Variants in CHCHD6 observed in about 807,000 individuals in gnomAD.
CHCHD6 encodes MICOS complex subunit MIC25.
In CHCHD6, 28 loss-of-function variants were observed where a neutral mutation model predicts 32.3. The ratio of observed to expected loss-of-function variants is 0.87; its 90% CI spans 0.64 to 1.19. The LOEUF is 1.19. Among genes scored for constraint, CHCHD6 ranks in the 50% most tolerant of loss-of-function variants. The probability of loss-of-function intolerance (pLI) is 0.00; values close to 1 mark genes in which losing one functional copy is unlikely to be tolerated. For missense variants in CHCHD6, 333 were observed against 307.0 expected, an observed-to-expected ratio of 1.08 and a Z score of -0.63; for synonymous variants, 122 against 117.5, an observed-to-expected ratio of 1.04 and a Z score of -0.25.
intron 5 of CHCHD6, among the ~76,000 whole-genome samples, chr3:126,882,149 G>A (rs78480338): frequency 0.05 from 7,548 of 152,240 alleles, 312 homozygotes; most frequent in Admixed American, 0.12. Flanking sequence ...CTGCCGTCAG[G>A]GGCGTCTGCC....
At chr3:126,761,923 C>T (rs527888133) in intron 4 of CHCHD6, among the ~76,000 whole-genome samples, 1 of 152,218 alleles carries the variant, frequency 6.6e-6, no homozygotes, top group South Asian at 2.1e-4. Context: ...CCAGGTTATC[C>T]AATTTGTTGG....
intron 4 of CHCHD6, among the ~76,000 whole-genome samples, chr3:126,824,576 A>AAAAAAAAAAAAAAAAAAAAAAAAAAC: frequency 6.7e-6 from 1 of 149,328 alleles, no homozygotes; most frequent in African/African-American, 2.5e-5. Context: ...AAAAAAAAAA[A>AAAAAAAAAAAAAAAAAAAAAAAAAAC]AAAAAGTCAA....
intron 4 of CHCHD6, among the ~76,000 whole-genome samples, chr3:126,832,838 C>T (rs1265090272): frequency 2.0e-5 from 3 of 152,158 alleles, no homozygotes; most frequent in Admixed American, 2.0e-4. Flanking sequence ...CACCACACCC[C>T]TTTTCAGAAG....
At chr3:126,761,095 G>A (rs1029761655) in intron 4 of CHCHD6, among the ~76,000 whole-genome samples, 4 of 152,206 alleles carry the variant, frequency 2.6e-5, no homozygotes, top group South Asian at 2.1e-4. Context: ...CTCCCAAAGC[G>A]TTAGGATTAT....
intron 4 of CHCHD6, among the ~76,000 whole-genome samples, chr3:126,812,412 G>A (rs1939696357): frequency 6.7e-6 from 1 of 148,866 alleles, no homozygotes; most frequent in African/African-American, 2.5e-5. Context: ...GATGTTTTCT[G>A]GTTTATGCCT....
chr3:126,781,547 A>G (rs1298778900), intron 4 of CHCHD6, among the ~76,000 whole-genome samples: 1 of 152,176 alleles, frequency 6.6e-6, no homozygotes, highest in Non-Finnish European at 1.5e-5. Context: ...TGCCTTGTGT[A>G]TGGTTTTGGA....
intron 5 of CHCHD6, among the ~76,000 whole-genome samples, chr3:126,880,870 G>A (rs1182368937): frequency 6.6e-6 from 1 of 152,224 alleles, no homozygotes; most frequent in Non-Finnish European, 1.5e-5. Flanking sequence ...AAGGTTCCTT[G>A]CCTCGGTTTC....
At chr3:126,853,563 C>T (rs1351829559) in intron 5 of CHCHD6, among the ~76,000 whole-genome samples, 7 of 152,160 alleles carry the variant, frequency 4.6e-5, no homozygotes, top group African/African-American at 1.7e-4. Context: ...TGGCATGCCA[C>T]AGTGGAGGCT....
chr3:126,897,057 T>A (rs1442704769), intron 5 of CHCHD6, among the ~76,000 whole-genome samples: 1 of 152,070 alleles, frequency 6.6e-6, no homozygotes, highest in Non-Finnish European at 1.5e-5. Context: ...GAGAGTTGGA[T>A]GGGAGCTGAA....
At chr3:126,723,911 T>C (rs1935423475) in intron 1 of CHCHD6, among the ~76,000 whole-genome samples, 1 of 152,228 alleles carries the variant, frequency 6.6e-6, no homozygotes, top group Non-Finnish European at 1.5e-5. Context: ...ATTAGGCACT[T>C]AATAAATATT....
intron 4 of CHCHD6, among the ~76,000 whole-genome samples, chr3:126,829,133 GA>G: frequency 6.6e-6 from 1 of 152,188 alleles, no homozygotes; most frequent in Non-Finnish European, 1.5e-5. Flanking sequence ...TCCCTCTAAT[GA>G]CCGTTTTTAT....
intron 4 of CHCHD6, among the ~76,000 whole-genome samples, 171 bp downstream of exon 4, chr3:126,733,393 G>T (rs1576350971): frequency 6.6e-6 from 1 of 152,304 alleles, no homozygotes. Context: ...AGGAACTGGG[G>T]TTCTCCCAGC....
intron 5 of CHCHD6, among the ~76,000 whole-genome samples, chr3:126,862,367 C>T (rs1183076172): frequency 1.4e-5 from 2 of 139,886 alleles, no homozygotes; most frequent in Non-Finnish European, 3.1e-5. Flanking sequence ...ACCACCTCCT[C>T]CACCACCATC....
intron 4 of CHCHD6, among the ~76,000 whole-genome samples, chr3:126,769,883 AT>A (rs1414140773): frequency 1.3e-5 from 2 of 152,192 alleles, no homozygotes; most frequent in Non-Finnish European, 2.9e-5. Flanking sequence ...ATCATTGGTA[AT>A]TTGATAGGAA....
In CHCHD6 at chr3:126,819,507, G is replaced by C. The variant is rs553473791; in HGVS notation, c.412-33140G>C. On this transcript the variant is annotated intron_variant, in intron 4 of 7. Transcript: ENST00000290913. ...ATGCATGCAGCAGTATGACAGTCCT[G>C]AGTGTCCTATCCCTCAGCGTCAGAC... Among the ~76,000 whole-genome samples the C allele has an allele frequency of 7.2e-5, 11 of 152,342 alleles. No homozygotes were observed. In the South Asian group the frequency reaches 1.0e-3, roughly 14 times the overall value.
At chr3:126,798,642 G>A (rs1938915725) in intron 4 of CHCHD6, among the ~76,000 whole-genome samples, 1 of 152,160 alleles carries the variant, frequency 6.6e-6, no homozygotes, top group African/African-American at 2.4e-5. Flanking sequence ...CCTCCTGTCA[G>A]CCTGTGGGCT....
intron 6 of CHCHD6, among the ~76,000 whole-genome samples, chr3:126,943,298 A>T (rs1366868710): frequency 1.3e-5 from 2 of 152,102 alleles, no homozygotes; most frequent in Non-Finnish European, 2.9e-5. Context: ...TCGGAAAACA[A>T]CTCAAAGTCC....
At chr3:126,844,065 A>G (rs1039409839) in intron 4 of CHCHD6, among the ~76,000 whole-genome samples, 1 of 152,246 alleles carries the variant, frequency 6.6e-6, no homozygotes, top group East Asian at 1.9e-4. Context: ...TACAATTTCT[A>G]ATTTAATCCT....
intron 4 of CHCHD6, chr3:126,766,812 G>A: frequency 9.9e-7 from 1 of 1,012,826 alleles, no homozygotes. Flanking sequence ...TGGCAAAGGA[G>A]CAGGTGTAAC....
Sources: allele counts gnomAD v4.1 joint callset (sites outside exome capture counted in the v4.1 genomes callset), GRCh38; gene constraint gnomAD v4.1.1; transcripts MANE v1.5; gene names NCBI Gene and HGNC (gene_info 2026-07-23, HGNC 2026-07-21).